Variants in LRP5 observed in about 807,000 individuals in gnomAD.
The protein encoded by LRP5 is low-density lipoprotein receptor-related protein 5.
Under a neutral mutation model 154.1 loss-of-function variants are expected in LRP5, and 62 were observed. That is an observed-to-expected ratio of 0.40 (90% CI 0.33 to 0.50). The LOEUF (loss-of-function observed/expected upper bound fraction) is 0.50, where lower values mean the gene tolerates loss of function less well. Ranked by LOEUF, LRP5 falls within the 20% of genes least tolerant of loss-of-function variation. LRP5 has a pLI of 0.55. For synonymous variants in LRP5, 966 were observed against 1,011.5 expected (o/e 0.96, Z 0.85); for missense variants, 1,915 against 2,336.7 (o/e 0.82, Z 3.72).
intron 5 of LRP5, among the ~76,000 whole-genome samples, chr11:68,382,710 G>A (rs2098640914): frequency 6.6e-6 from 1 of 152,066 alleles, no homozygotes; most frequent in Non-Finnish European, 1.5e-5. Context: ...CTGGCTCCTG[G>A]GATTGAAGTG....
At chr11:68,314,247 GT>G (rs2098591270) in intron 1 of LRP5, among the ~76,000 whole-genome samples, 1 of 152,128 alleles carries the variant, frequency 6.6e-6, no homozygotes, top group Non-Finnish European at 1.5e-5. Flanking sequence ...GCAGTTTTGG[GT>G]TTTGTGCACG....
intron 5 of LRP5, among the ~76,000 whole-genome samples, chr11:68,378,970 C>T (rs2098638886): frequency 6.6e-6 from 1 of 151,960 alleles, no homozygotes; most frequent in Admixed American, 6.6e-5. Context: ...TCGCTTGAAC[C>T]CAGGAGACAG....
intron 7 of LRP5, among the ~76,000 whole-genome samples, chr11:68,394,896 G>T (rs2098648402): frequency 6.6e-6 from 1 of 152,252 alleles, no homozygotes; most frequent in African/African-American, 2.4e-5. Flanking sequence ...GGAGGTAGAA[G>T]GGCGGAGAGA....
intron 1 of LRP5, among the ~76,000 whole-genome samples, chr11:68,337,440 T>A (rs2098606326): frequency 6.6e-6 from 1 of 152,176 alleles, no homozygotes; most frequent in South Asian, 2.1e-4. Flanking sequence ...TAGAATTAAG[T>A]AACTTGAGTG....
chr11:68,346,643 C>T (rs770357265), intron 1 of LRP5, among the ~76,000 whole-genome samples: 1 of 151,900 alleles, frequency 6.6e-6, no homozygotes, highest in African/African-American at 2.4e-5. Flanking sequence ...TGGGCTCCCC[C>T]ATCTGCGCAG....
chr11:68,350,119 C>T (rs2098617029), intron 2 of LRP5, among the ~76,000 whole-genome samples: 1 of 152,246 alleles, frequency 6.6e-6, no homozygotes, highest in South Asian at 2.1e-4. Context: ...TCACTGCAAC[C>T]TCCACCTCCC....
chr11:68,444,551 A>AG (rs1554980215), intron 21 of LRP5, among the ~76,000 whole-genome samples: 139,566 of 139,582 alleles, frequency 1, 69,775 homozygotes, highest in Middle Eastern at 1. Flanking sequence ...AGATGAGCCG[A>AG]GTGGCCTCCC....
Position 68,389,809 on chromosome 11 carries a change from T to A in LRP5, c.1413-72T>A, listed in dbSNP as rs1252856852. On this transcript the variant is annotated intron_variant, in intron 6 of 22. Coordinates refer to ENST00000294304, the MANE Select transcript of LRP5 (RefSeq NM_002335.4). Reference sequence around the variant, plus strand: ...TGGGGGCCGGCTTGGGGGCAGGCCTTGCTCTTGGCACTGGGGATGCTGCAG... The same window carrying A: ...TGGGGGCCGGCTTGGGGGCAGGCCTAGCTCTTGGCACTGGGGATGCTGCAG... 5 of 1,551,458 alleles carry A rather than the reference T, an allele frequency of 3.2e-6. No individual in the cohort carries two copies. The East Asian group carries it at 9.0e-5, about 28-fold the overall frequency.
intron 1 of LRP5, among the ~76,000 whole-genome samples, chr11:68,341,672 G>A (rs2153126112): frequency 6.6e-6 from 1 of 152,222 alleles, no homozygotes; most frequent in East Asian, 1.9e-4. Flanking sequence ...CTGCTCCAGT[G>A]TGCTCCCACC....
chr11:68,402,073 A>G (rs1344821453), intron 7 of LRP5, among the ~76,000 whole-genome samples: 3 of 152,168 alleles, frequency 2.0e-5, no homozygotes, highest in East Asian at 3.8e-4. Context: ...TCTGCCTTAC[A>G]GTTTTGCCAC....
chr11:68,427,319 A>G (rs534923158), intron 16 of LRP5, among the ~76,000 whole-genome samples: 1 of 152,152 alleles, frequency 6.6e-6, no homozygotes, highest in South Asian at 2.1e-4. Flanking sequence ...CATGGTAACC[A>G]TCTGAGGATT....
At chr11:68,362,441 G>T (rs1004077684) in intron 3 of LRP5, among the ~76,000 whole-genome samples, 5 of 152,204 alleles carry the variant, frequency 3.3e-5, no homozygotes, top group African/African-American at 7.2e-5. Context: ...CCAGCACTTT[G>T]AGAGGCCAAG....
intron 3 of LRP5, among the ~76,000 whole-genome samples, chr11:68,358,304 C>T (rs774508728): frequency 3.4e-4 from 51 of 152,144 alleles, no homozygotes; most frequent in African/African-American, 1.1e-3. Context: ...TTGGTAGAGA[C>T]GGGGTCTCAC....
At position 68,425,132 on chromosome 11, in the gene LRP5, G is replaced by A; in HGVS notation, c.3267G>A (p.Arg1089=). 1 of 1,613,732 alleles carries A rather than the reference G, an allele frequency of 6.2e-7. No homozygotes were observed. The highest frequency in any genetic ancestry group is 8.5e-7 in the Non-Finnish European group (1 of 1,179,882). The change falls in exon 15 of 23, where the codon CGG becomes CGA. Residue 1089 remains arginine (R), a synonymous_variant. Transcript: ENST00000294304. The part of the protein sequence containing the change: ...GYLYFTNMQD[R]AAKIERAALD... ...TGTACTTCACCAACATGCAGGACCG[G>A]GCAGCCAAGATCGAACGCGCAGCCC...
In LRP5 at chr11:68,365,525, C is replaced by T. The variant is rs143193305; in HGVS notation, c.884-46C>T. 358 of 1,612,766 alleles carry T rather than the reference C, an allele frequency of 2.2e-4. 1 individual carries two copies. In the East Asian group the frequency reaches 7.0e-3, roughly 31 times the overall value. On this transcript the variant is annotated intron_variant, in intron 4 of 22. Coordinates refer to ENST00000294304, the MANE Select transcript of LRP5 (RefSeq NM_002335.4). ...ATGTGACTCATTCAGAAACAAGTGA[C>T]GGTCCTCTTCTGGAACCTTCTCTCA...
chr11:68,325,202 T>TC (rs2098598973), intron 1 of LRP5, among the ~76,000 whole-genome samples: 1 of 152,078 alleles, frequency 6.6e-6, no homozygotes, highest in Admixed American at 6.5e-5. Context: ...AGGGCTGGGG[T>TC]CCAATGGTAT....
chr11:68,414,009 A>G lies in LRP5; in HGVS notation c.2824A>G (p.Ser942Gly), dbSNP rs1323526955. ...YTLDPSSRNC[S>G]PPTTFLLFSQ... is the part of the protein sequence containing the mutation. ...CCTGGACCCCAGCAGCCGCAACTGC[A>G]GCCGTAAGTGCCTCATGGTCCCCCG... is the stretch of plus-strand genomic sequence containing the variant. The change falls in exon 12 of 23, where the codon AGC becomes GGC. Residue 942 changes from serine (S) to glycine (G), a missense_variant. Ser to Gly is a moderately conservative substitution (Grantham distance 56). Coordinates refer to ENST00000294304, the MANE Select transcript of LRP5 (RefSeq NM_002335.4). 1 of 1,603,776 alleles carries G rather than the reference A, an allele frequency of 6.2e-7. No individual in the cohort carries two copies. The highest frequency in any genetic ancestry group is 8.5e-7 in the Non-Finnish European group (1 of 1,179,802).
At chr11:68,361,673 T>A (rs2098628206) in intron 3 of LRP5, among the ~76,000 whole-genome samples, 1 of 149,444 alleles carries the variant, frequency 6.7e-6, no homozygotes, top group Admixed American at 6.7e-5. Context: ...AATTAGAAAA[T>A]TAGCTGGCCA....
chr11:68,318,801 A>G (rs1432995585), intron 1 of LRP5, among the ~76,000 whole-genome samples: 8 of 152,092 alleles, frequency 5.3e-5, no homozygotes, highest in Admixed American at 3.9e-4. Flanking sequence ...ACTCCACCCC[A>G]TTGCAAGAAT....
Sources: allele counts gnomAD v4.1 joint callset (sites outside exome capture counted in the v4.1 genomes callset), GRCh38; gene constraint gnomAD v4.1.1; transcripts MANE v1.5; gene names NCBI Gene and HGNC (gene_info 2026-07-23, HGNC 2026-07-21).